The following RBM47 variants were observed in gnomAD, a reference collection of about 807,000 sequenced individuals.
The protein encoded by RBM47 is RNA binding motif protein 47.
RBM47 carries 21 observed loss-of-function variants against 47.1 expected under a neutral mutation model. That is an observed-to-expected ratio of 0.45 (90% CI 0.32 to 0.64). The LOEUF (loss-of-function observed/expected upper bound fraction) is 0.64. RBM47 is among the 30% of genes least tolerant of loss of function. The pLI, the probability that RBM47 is intolerant of heterozygous loss-of-function variation, is 0.05. For synonymous variants in RBM47, 375 were observed against 361.7 expected, an observed-to-expected ratio of 1.04 and a Z score of -0.42; for missense variants, 708 against 870.9, an observed-to-expected ratio of 0.81 and a Z score of 2.35.
intron 1 of RBM47, among the ~76,000 whole-genome samples, chr4:40,566,837 A>T (rs58718608): frequency 2.9e-4 from 44 of 152,082 alleles, no homozygotes; most frequent in African/African-American, 9.9e-4. Context: ...TAAGAGCAGT[A>T]GCTACCTCAT....
chr4:40,437,705 C>G (rs1005868353), intron 4 of RBM47, 66 bp downstream of exon 4: 3 of 1,459,560 alleles, frequency 2.1e-6, no homozygotes, highest in Non-Finnish European at 2.8e-6. Context: ...CACGGTATCC[C>G]TGGTGCCCCC....
At chr4:40,486,384 G>C (rs1337964490) in intron 2 of RBM47, among the ~76,000 whole-genome samples, 2 of 152,170 alleles carry the variant, frequency 1.3e-5, no homozygotes, top group African/African-American at 4.8e-5. Context: ...CAGGCAGTTT[G>C]CAGAAAAACA....
chr4:40,529,758 G>A (rs1221877833), intron 2 of RBM47, among the ~76,000 whole-genome samples: 5 of 149,866 alleles, frequency 3.3e-5, no homozygotes, highest in Non-Finnish European at 7.4e-5. Context: ...GAACCCGGAA[G>A]GCGGAGGTTG....
rs778162711 is a variant in RBM47, at chr4:40,624,118, C to T, written c.-240+5278G>A. ...CTGCATGCCTTGGTCTCCAAAAGTG[C>T]TGGGATTACGGTGTGAGTGACCAAG... On this transcript the variant is annotated intron_variant, in intron 1 of 6. Coordinates refer to ENST00000295971, the MANE Select transcript of RBM47 (RefSeq NM_001098634.2). Among the ~76,000 whole-genome samples, 11 of 152,296 alleles carry T rather than the reference C, an allele frequency of 7.2e-5. 1 individual carries two copies. In the South Asian group the frequency reaches 1.9e-3, roughly 26 times the overall value.
At chr4:40,599,948 C>A (rs1170047472) in intron 1 of RBM47, among the ~76,000 whole-genome samples, 3 of 152,088 alleles carry the variant, frequency 2.0e-5, no homozygotes, top group Non-Finnish European at 4.4e-5. Context: ...AAACTACACA[C>A]TAATATACCC....
At chr4:40,508,595 A>G (rs1362332016) in intron 2 of RBM47, among the ~76,000 whole-genome samples, 1 of 152,258 alleles carries the variant, frequency 6.6e-6, no homozygotes, top group Admixed American at 6.5e-5. Flanking sequence ...GAGGCCAGAT[A>G]CAAAAGAGTA....
chr4:40,627,753 A>G (rs1737875725), intron 1 of RBM47, among the ~76,000 whole-genome samples: 1 of 152,234 alleles, frequency 6.6e-6, no homozygotes, highest in South Asian at 2.1e-4. Flanking sequence ...CGTGTCCAGA[A>G]GCATGTAGTT....
At chr4:40,442,679 T>G (rs2154215493) in intron 3 of RBM47, among the ~76,000 whole-genome samples, 1 of 152,264 alleles carries the variant, frequency 6.6e-6, no homozygotes, top group East Asian at 1.9e-4. Flanking sequence ...TCAGCCTTTT[T>G]TCTTTTGCTT....
At chr4:40,610,348 C>T (rs889427814) in intron 1 of RBM47, among the ~76,000 whole-genome samples, 1 of 151,572 alleles carries the variant, frequency 6.6e-6, no homozygotes, top group South Asian at 2.1e-4. Flanking sequence ...CACGGCCAGG[C>T]GCGGTGGCTC....
At chr4:40,528,900 G>A (rs934479850) in intron 2 of RBM47, among the ~76,000 whole-genome samples, 8 of 151,716 alleles carry the variant, frequency 5.3e-5, no homozygotes, top group African/African-American at 7.2e-5. Flanking sequence ...CCGAGATCCC[G>A]CCACTGCACT....
At chr4:40,616,197 C>CA in intron 1 of RBM47, among the ~76,000 whole-genome samples, 1 of 151,608 alleles carries the variant, frequency 6.6e-6, no homozygotes, top group South Asian at 2.1e-4. Flanking sequence ...ACTAAAAACA[C>CA]AAAAAAATTA....
At chr4:40,521,842 C>T (rs1324648829) in intron 2 of RBM47, among the ~76,000 whole-genome samples, 1 of 151,996 alleles carries the variant, frequency 6.6e-6, no homozygotes, top group African/African-American at 2.4e-5. Context: ...TATGAGTTAG[C>T]TCTGCTGTGC....
chr4:40,494,948 G>C (rs1382955993), intron 2 of RBM47, among the ~76,000 whole-genome samples: 1 of 152,004 alleles, frequency 6.6e-6, no homozygotes, highest in African/African-American at 2.4e-5. Context: ...TTCATTTGTC[G>C]ATTGATTCCT....
In RBM47 at chr4:40,437,981, C is replaced by A; in HGVS notation, c.913G>T (p.Glu305Ter). The change falls in exon 4 of 7, where the codon GAG becomes TAG. Residue 305 changes from glutamate to a stop codon, truncating the protein, a stop_gained. Coordinates refer to ENST00000295971, the MANE Select transcript of RBM47 (RefSeq NM_001098634.2). LOFTEE classifies it high-confidence loss of function. ...VHAMNNLNGTELEGSCLEVTL... is the reference protein window; with the variant it reads ...VHAMNNLNGT ...ACCTCCAGGCACGAGCCCTCCAGCT[C>A]AGTGCCGTTGAGGTTGTTCATGGCA... is the stretch of plus-strand genomic sequence containing the variant. The A allele has an allele frequency of 6.2e-7, 1 of 1,613,560 alleles. No homozygotes were observed. Among genetic ancestry groups the A allele is most frequent in the Non-Finnish European group, 8.5e-7 (1 of 1,179,990 alleles).
intron 6 of RBM47, among the ~76,000 whole-genome samples, chr4:40,431,833 G>C (rs1408136829): frequency 6.6e-6 from 1 of 152,034 alleles, no homozygotes; most frequent in African/African-American, 2.4e-5. Context: ...GGTTGGAAGA[G>C]AGGATTATGG....
intron 1 of RBM47, among the ~76,000 whole-genome samples, chr4:40,607,324 T>A (rs1735853739): frequency 6.6e-6 from 1 of 152,170 alleles, no homozygotes; most frequent in African/African-American, 2.4e-5. Context: ...AGTCAAAAAG[T>A]TGATTACTGG....
intron 2 of RBM47, among the ~76,000 whole-genome samples, chr4:40,509,185 A>AAATT (rs1724536664): frequency 6.6e-6 from 1 of 151,242 alleles, no homozygotes; most frequent in Non-Finnish European, 1.5e-5. Context: ...ATAAATAAAT[A>AAATT]AATAATAATA....
intron 1 of RBM47, among the ~76,000 whole-genome samples, chr4:40,592,482 T>A (rs369577432): frequency 6.6e-6 from 1 of 150,614 alleles, no homozygotes; most frequent in African/African-American, 2.4e-5. Context: ...TGGAGTGCAA[T>A]GGCATGATCT....
chr4:40,563,643 G>A (rs1730839195), intron 1 of RBM47, among the ~76,000 whole-genome samples: 1 of 152,200 alleles, frequency 6.6e-6, no homozygotes. Context: ...ACAGAGGGTG[G>A]TGTCCACTAA....
Sources: gnomAD v4.1 joint callset for allele counts (sites outside exome capture counted in the v4.1 genomes callset) on GRCh38, gnomAD v4.1.1 for gene constraint, MANE v1.5 for transcripts, NCBI Gene and HGNC (gene_info 2026-07-23, HGNC 2026-07-21) for gene names.